The following CNTNAP2 variants were observed in gnomAD, a reference collection of about 807,000 sequenced individuals.
The protein encoded by CNTNAP2 is contactin-associated protein-like 2.
CNTNAP2 carries 98 observed loss-of-function variants against 155.2 expected under a neutral mutation model. The ratio of observed to expected loss-of-function variants is 0.63; its 90% CI spans 0.54 to 0.75. The LOEUF (loss-of-function observed/expected upper bound fraction) is 0.75, where lower values mean the gene tolerates loss of function less well. Ranked by LOEUF, CNTNAP2 falls within the 30% of genes least tolerant of loss-of-function variation. CNTNAP2 has a pLI of 0.00. For missense variants in CNTNAP2, 1,727 were observed against 1,688.1 expected (o/e 1.02, Z -0.40); for synonymous variants, 651 against 631.2 (o/e 1.03, Z -0.47).
chr7:146,197,268 C>G (rs550012389), intron 1 of CNTNAP2, among the ~76,000 whole-genome samples: 1 of 152,178 alleles, frequency 6.6e-6, no homozygotes, highest in Admixed American at 6.6e-5. Flanking sequence ...AAAGACAAAA[C>G]AAAGGAATTA....
At chr7:146,626,470 T>C (rs1799421041) in intron 1 of CNTNAP2, among the ~76,000 whole-genome samples, 1 of 152,072 alleles carries the variant, frequency 6.6e-6, no homozygotes, top group South Asian at 2.1e-4. Context: ...CACCACCGTA[T>C]ACTATGATCA....
At chr7:146,349,544 C>T (rs557944075) in intron 1 of CNTNAP2, among the ~76,000 whole-genome samples, 34 of 152,196 alleles carry the variant, frequency 2.2e-4, no homozygotes, top group Non-Finnish European at 2.5e-4. Flanking sequence ...CGTTAGTTGA[C>T]GCAGTTTTCT....
intron 8 of CNTNAP2, among the ~76,000 whole-genome samples, chr7:147,186,032 C>T (rs189755630): frequency 2.3e-4 from 35 of 152,290 alleles, no homozygotes; most frequent in Admixed American, 8.5e-4. Context: ...TTATAAATCA[C>T]CCAGTCTCTG....
chr7:147,324,808 T>A (rs1008365866), intron 9 of CNTNAP2, among the ~76,000 whole-genome samples: 3 of 152,084 alleles, frequency 2.0e-5, no homozygotes, highest in Non-Finnish European at 4.4e-5. Context: ...TTTTAAGTAC[T>A]CTATTAATTT....
chr7:147,045,607 G>T (rs751041933), intron 4 of CNTNAP2, among the ~76,000 whole-genome samples: 46 of 152,210 alleles, frequency 3.0e-4, no homozygotes, highest in Admixed American at 2.6e-3. Flanking sequence ...AGCATTTCTG[G>T]TAAGGCCCAA....
Position 148,253,858 on chromosome 7 carries a change from T to C in CNTNAP2, c.3382-13175T>C, listed in dbSNP as rs911246427. ...TAGTCATCCCACAATATCCTCGGGGTATCGGTTTCAGGACCCCCAAGTACA... is the reference window on the plus strand; with the variant it reads ...TAGTCATCCCACAATATCCTCGGGGCATCGGTTTCAGGACCCCCAAGTACA... On this transcript the variant is annotated intron_variant, in intron 20 of 23. Transcript: ENST00000361727. Among the ~76,000 whole-genome samples the C allele has an allele frequency of 7.2e-5, 11 of 152,214 alleles. 2 individuals are homozygous for C. The highest frequency in any genetic ancestry group is 2.2e-4 in the African/African-American group (9 of 41,518).
chr7:148,213,655 C>G (rs971458962), intron 18 of CNTNAP2, among the ~76,000 whole-genome samples: 1 of 152,138 alleles, frequency 6.6e-6, no homozygotes, highest in Non-Finnish European at 1.5e-5. Flanking sequence ...AATGACCCCC[C>G]ACATTCTCTA....
At chr7:146,156,276 T>A (rs1281256810) in intron 1 of CNTNAP2, among the ~76,000 whole-genome samples, 1 of 152,204 alleles carries the variant, frequency 6.6e-6, no homozygotes, top group East Asian at 1.9e-4. Flanking sequence ...AGTGTAACCA[T>A]GGTGAAAACC....
At chr7:146,724,968 C>T (rs545826559) in intron 1 of CNTNAP2, among the ~76,000 whole-genome samples, 1 of 152,220 alleles carries the variant, frequency 6.6e-6, no homozygotes, top group East Asian at 1.9e-4. Context: ...TATTCTCTCA[C>T]AGTGTGGAGG....
chr7:147,661,716 C>T (rs1795613091), intron 13 of CNTNAP2, among the ~76,000 whole-genome samples: 1 of 152,038 alleles, frequency 6.6e-6, no homozygotes, highest in Non-Finnish European at 1.5e-5. Flanking sequence ...CTACGCCTGG[C>T]TAATTTTTGT....
At chr7:146,696,121 C>G (rs896624579) in intron 1 of CNTNAP2, among the ~76,000 whole-genome samples, 9 of 152,106 alleles carry the variant, frequency 5.9e-5, no homozygotes, top group African/African-American at 2.2e-4. Context: ...GACTTAAATT[C>G]TTCCTTGGGA....
intron 1 of CNTNAP2, among the ~76,000 whole-genome samples, chr7:146,149,585 G>A (rs1044272473): frequency 2.6e-5 from 4 of 151,980 alleles, no homozygotes; most frequent in African/African-American, 7.2e-5. Flanking sequence ...ACGGAGTCCA[G>A]AACTAGATCC....
At position 147,505,828 on chromosome 7, in the gene CNTNAP2, T is replaced by C. The variant is rs540912330; in HGVS notation, c.1777+19787T>C. On this transcript the variant is annotated intron_variant, in intron 11 of 23. Transcript: ENST00000361727. ...CAGAATCATTGCCATTTCTTCCCTG[T>C]AGTGCCTTTTGGAGAAAGTCTGAGT... 1.2e-4 allele frequency among the ~76,000 whole-genome samples: 18 copies of C among 152,316 alleles called. No individual in the cohort carries two copies. In the South Asian group the frequency reaches 3.5e-3, roughly 30 times the overall value.
At chr7:147,797,995 C>G (rs916808855) in intron 13 of CNTNAP2, among the ~76,000 whole-genome samples, 3 of 152,116 alleles carry the variant, frequency 2.0e-5, no homozygotes, top group East Asian at 1.9e-4. Flanking sequence ...ATTCGTGTCT[C>G]TATCGTGGTA....
chr7:146,463,398 G>C (rs961756214), intron 1 of CNTNAP2, among the ~76,000 whole-genome samples: 2 of 151,852 alleles, frequency 1.3e-5, no homozygotes, highest in Non-Finnish European at 2.9e-5. Flanking sequence ...TCTAAGCAAA[G>C]GTAATCTACT....
chr7:146,616,849 T>C (rs1382274239), intron 1 of CNTNAP2, among the ~76,000 whole-genome samples: 1 of 152,204 alleles, frequency 6.6e-6, no homozygotes, highest in African/African-American at 2.4e-5. Context: ...TACACAATTA[T>C]CTCTTATAAT....
intron 21 of CNTNAP2, among the ~76,000 whole-genome samples, chr7:148,293,669 AGAG>A (rs1797232458): frequency 6.6e-6 from 1 of 152,156 alleles, no homozygotes; most frequent in African/African-American, 2.4e-5. Flanking sequence ...TTTTGGTAAA[AGAG>A]GAGAAGTCAT....
At chr7:147,363,694 T>G (rs1796181298) in intron 9 of CNTNAP2, among the ~76,000 whole-genome samples, 2 of 152,214 alleles carry the variant, frequency 1.3e-5, no homozygotes, top group African/African-American at 2.4e-5. Flanking sequence ...TGATTTTTTG[T>G]ATGTTTTCTA....
At chr7:147,997,606 A>G (rs1278933232) in intron 15 of CNTNAP2, among the ~76,000 whole-genome samples, 1 of 152,232 alleles carries the variant, frequency 6.6e-6, no homozygotes, top group South Asian at 2.1e-4. Flanking sequence ...AAGCGGGTGC[A>G]GCATAATTTA....
Sources: gnomAD v4.1 joint callset for allele counts (sites outside exome capture counted in the v4.1 genomes callset) on GRCh38, gnomAD v4.1.1 for gene constraint, MANE v1.5 for transcripts, NCBI Gene and HGNC (gene_info 2026-07-23, HGNC 2026-07-21) for gene names.